The following ZCCHC4 variants were observed in gnomAD, a reference collection of about 807,000 sequenced individuals.
ZCCHC4 encodes the protein zinc finger CCHC-type containing 4, also known as rRNA N(6)-adenosine-methyltransferase ZCCHC4.
Under a neutral mutation model 67.7 loss-of-function variants are expected in ZCCHC4, and 54 were observed. The ratio of observed to expected loss-of-function variants is 0.80; its 90% CI spans 0.64 to 1.00. ZCCHC4 has a LOEUF of 1.00. ZCCHC4 is among the 50% of genes least tolerant of loss of function. The probability of loss-of-function intolerance (pLI) is 0.00; values close to 1 mark genes in which losing one functional copy is unlikely to be tolerated. For missense variants in ZCCHC4, 609 were observed against 617.0 expected (o/e 0.99, Z 0.14); for synonymous variants, 198 against 213.5 (o/e 0.93, Z 0.63).
Position 25,335,050 on chromosome 4 carries a change from G to A in ZCCHC4, c.686+1062G>A, listed in dbSNP as rs137920174. Among the ~76,000 whole-genome samples the A allele has an allele frequency of 5.7e-3, 869 of 152,238 alleles. 12 individuals are homozygous for A. Among genetic ancestry groups the A allele is most frequent in the Middle Eastern group, 0.027 (8 of 294 alleles). On this transcript the variant is annotated intron_variant, in intron 5 of 12. Coordinates refer to ENST00000302874, the MANE Select transcript of ZCCHC4 (RefSeq NM_024936.3). ...GTAGATTTGGGGTCTGGAACTCCTGGCCTCAAGCAGTCCTCCTGCCTTGGC... is the reference window on the plus strand; with the variant it reads ...GTAGATTTGGGGTCTGGAACTCCTGACCTCAAGCAGTCCTCCTGCCTTGGC...
In ZCCHC4 at chr4:25,314,157, A is replaced by C; in HGVS notation, c.239A>C (p.Asp80Ala). The C allele has an allele frequency of 6.3e-7, 1 of 1,577,926 alleles. No homozygotes were observed. The highest frequency in any genetic ancestry group is 8.6e-7 in the Non-Finnish European group (1 of 1,161,670). Residue 80 changes from aspartate to alanine, a missense_variant, in exon 2 of 13, where the codon GAT becomes GCT. Physicochemically the swap from Asp to Ala is moderately radical, Grantham distance 126. Coordinates refer to ENST00000302874, the MANE Select transcript of ZCCHC4 (RefSeq NM_024936.3). ...RKDCNFFQWE[D>A]EKLSGARLAA... Reference sequence around the variant, plus strand: ...GACTGTAATTTTTTTCAGTGGGAAGATGAAAAGGTATATCAACTTTTTGGA... The same window carrying C: ...GACTGTAATTTTTTTCAGTGGGAAGCTGAAAAGGTATATCAACTTTTTGGA...
At chr4:25,335,737 A>G (rs981289914) in intron 5 of ZCCHC4, among the ~76,000 whole-genome samples, 3 of 152,150 alleles carry the variant, frequency 2.0e-5, no homozygotes, top group South Asian at 4.1e-4. Flanking sequence ...TCCAGCCTGC[A>G]CAACAGAGTG....
chr4:25,334,535 C>G (rs1249486397), intron 5 of ZCCHC4, among the ~76,000 whole-genome samples: 2 of 152,204 alleles, frequency 1.3e-5, no homozygotes. Context: ...TAAATGGCAT[C>G]TGATGATTTC....
intron 2 of ZCCHC4, 75 bp downstream of exon 2, chr4:25,314,239 TA>T: frequency 2.2e-6 from 2 of 892,672 alleles, no homozygotes. Context: ...TGTAAACCAA[TA>T]AAAATATGCG....
At chr4:25,325,241 CAAAAAAAAA>C (rs11318046) in intron 3 of ZCCHC4, among the ~76,000 whole-genome samples, 1 of 74,756 alleles carries the variant, frequency 1.3e-5, no homozygotes, top group African/African-American at 5.8e-5. Context: ...GACTCCGTCT[CAAAAAAAAA>C]AAAAAAAAAA....
chr4:25,361,752 A>T, intron 8 of ZCCHC4, 107 bp from the exon 9 acceptor site: 1 of 1,173,096 alleles, frequency 8.5e-7, no homozygotes, highest in Non-Finnish European at 1.2e-6. Context: ...CATGACAAAT[A>T]CTTTAACTCA....
chr4:25,323,946 C>T (rs1302916699), intron 3 of ZCCHC4, among the ~76,000 whole-genome samples: 2 of 150,472 alleles, frequency 1.3e-5, no homozygotes, highest in South Asian at 4.2e-4. Flanking sequence ...CTTTCTGTCA[C>T]TATAGATTAG....
At chr4:25,321,142 A>G (rs188991708) in intron 3 of ZCCHC4, among the ~76,000 whole-genome samples, 12 of 152,280 alleles carry the variant, frequency 7.9e-5, no homozygotes, top group Non-Finnish European at 1.3e-4. Context: ...TCTTTCAACC[A>G]GGTATATTTT....
chr4:25,314,216 TTTG>T (rs1361999078), intron 2 of ZCCHC4, 52 bp downstream of exon 2: 4 of 1,246,524 alleles, frequency 3.2e-6, no homozygotes, highest in Non-Finnish European at 3.5e-6. Context: ...GTGTGACAAT[TTTG>T]TTGAGAACGT....
rs141739164 is a variant in ZCCHC4, at chr4:25,316,695, T to C, written c.329+1295T>C. Among the ~76,000 whole-genome samples the C allele has an allele frequency of 2.0e-3, 300 of 152,354 alleles. 1 individual carries two copies. Among genetic ancestry groups the C allele is most frequent in the African/African-American group, 7.0e-3 (289 of 41,582 alleles). ...TTGTTGTTGAGTCACAGGAGTTCTT[T>C]ATATGTTCTGGATATTACAACTTTG... is the stretch of plus-strand genomic sequence containing the variant. On this transcript the variant is annotated intron_variant, in intron 3 of 12. Coordinates refer to ENST00000302874, the MANE Select transcript of ZCCHC4 (RefSeq NM_024936.3).
At chr4:25,314,015 CTTTT>C in intron 1 of ZCCHC4, 27 bp from the exon 2 acceptor site, 11 of 1,021,910 alleles carry the variant, frequency 1.1e-5, no homozygotes, top group South Asian at 5.1e-5. Flanking sequence ...TTACTTGACA[CTTTT>C]TTTTTTTTTT....
chr4:25,349,148 G>A (rs1440588131), intron 6 of ZCCHC4, among the ~76,000 whole-genome samples: 1 of 152,152 alleles, frequency 6.6e-6, no homozygotes, highest in Non-Finnish European at 1.5e-5. Context: ...GCTTCTGTTT[G>A]TTAAATTGAA....
intron 5 of ZCCHC4, among the ~76,000 whole-genome samples, chr4:25,336,568 C>A (rs1367198266): frequency 6.6e-6 from 1 of 152,160 alleles, no homozygotes; most frequent in Admixed American, 6.5e-5. Flanking sequence ...CTCACTGTAA[C>A]CACTGCCTCC....
intron 10 of ZCCHC4, among the ~76,000 whole-genome samples, chr4:25,363,366 C>G (rs1481169734): frequency 6.6e-6 from 1 of 152,172 alleles, no homozygotes; most frequent in Non-Finnish European, 1.5e-5. Flanking sequence ...TATGTTAGCT[C>G]TGAATGATAT....
chr4:25,332,460 A>C (rs1719233225), intron 3 of ZCCHC4, among the ~76,000 whole-genome samples: 2 of 152,176 alleles, frequency 1.3e-5, no homozygotes, highest in South Asian at 4.2e-4. Flanking sequence ...CATAGCTGGC[A>C]TCACATGTAC....
At chr4:25,352,793 C>G (rs989589107) in intron 8 of ZCCHC4, among the ~76,000 whole-genome samples, 1 of 152,220 alleles carries the variant, frequency 6.6e-6, no homozygotes, top group African/African-American at 2.4e-5. Context: ...AGAGTTTTAG[C>G]TGTAAATGTC....
At chr4:25,315,555 C>T (rs1718215178) in intron 3 of ZCCHC4, among the ~76,000 whole-genome samples, 155 bp downstream of exon 3, 1 of 152,028 alleles carries the variant, frequency 6.6e-6, no homozygotes, top group Non-Finnish European at 1.5e-5. Flanking sequence ...TTCAAGTGTG[C>T]AATTCAGTGA....
intron 5 of ZCCHC4, among the ~76,000 whole-genome samples, chr4:25,336,515 C>G (rs1435928056): frequency 6.6e-6 from 1 of 152,282 alleles, no homozygotes; most frequent in East Asian, 1.9e-4. Flanking sequence ...GAGACGGAGT[C>G]TGGCTCTGTC....
At chr4:25,329,793 A>G (rs909173004) in intron 3 of ZCCHC4, among the ~76,000 whole-genome samples, 5 of 151,796 alleles carry the variant, frequency 3.3e-5, no homozygotes, top group African/African-American at 7.3e-5. Flanking sequence ...TCGGCCTCCC[A>G]TAAGTGCTGG....
Sources: gnomAD v4.1 joint callset for allele counts (sites outside exome capture counted in the v4.1 genomes callset) on GRCh38, gnomAD v4.1.1 for gene constraint, MANE v1.5 for transcripts, NCBI Gene and HGNC (gene_info 2026-07-23, HGNC 2026-07-21) for gene names.